KLHL1: variants seen among roughly 807,000 people sequenced by gnomAD.
KLHL1 encodes the protein kelch-like protein 1.
Under a neutral mutation model 77.7 loss-of-function variants are expected in KLHL1, and 47 were observed. That is an observed-to-expected ratio of 0.60 (90% CI 0.48 to 0.77). KLHL1 has a LOEUF of 0.77. Ranked by LOEUF, KLHL1 falls within the 30% of genes least tolerant of loss-of-function variation. The pLI is 0.00. For synonymous variants in KLHL1, 360 were observed against 325.2 expected (o/e 1.11, Z -1.15); for missense variants, 925 against 910.8 (o/e 1.02, Z -0.20).
chr13:69,956,231 A>G (rs1393954440), intron 3 of KLHL1, among the ~76,000 whole-genome samples: 1 of 147,854 alleles, frequency 6.8e-6, no homozygotes, highest in African/African-American at 2.5e-5. Flanking sequence ...AGATAACAAA[A>G]AGTTGTATTT....
chr13:69,918,688 A>T (rs1385281134), intron 4 of KLHL1, among the ~76,000 whole-genome samples: 2 of 152,144 alleles, frequency 1.3e-5, no homozygotes, highest in African/African-American at 4.8e-5. Context: ...GGTCAGGTTG[A>T]ACTTAGTTTC....
In KLHL1 at chr13:70,086,589, AAAAAGAAAGAAAGAAAGAAAG is replaced by A. The variant is rs1331047488; in HGVS notation, c.497+20593_497+20613del. Among the ~76,000 whole-genome samples the A allele has an allele frequency of 6.4e-3, 518 of 80,472 alleles. 23 individuals are homozygous for A. The highest frequency in any genetic ancestry group is 0.026 in the African/African-American group (490 of 19,090). The allele number at this position is 80,472 out of a possible 152,430, so 52.8% of individuals were successfully genotyped here. A position where few individuals can be genotyped will look rare whatever the true frequency, so the allele number is the denominator to read the frequency against. ...CTCTGTCTCAAAAAAAAAAAAAAAAAAAAAGAAAGAAAGAAAGAAAGAAAGAAAGAAAGAAAGAAAGAAAAA... is the reference window on the plus strand; with the variant it reads ...CTCTGTCTCAAAAAAAAAAAAAAAAAAAAGAAAGAAAGAAAGAAAGAAAAA... On this transcript the variant is annotated intron_variant, in intron 1 of 10. Transcript: ENST00000377844.
intron 6 of KLHL1, among the ~76,000 whole-genome samples, chr13:69,811,909 C>T (rs1189749586): frequency 6.6e-6 from 1 of 152,096 alleles, no homozygotes; most frequent in Non-Finnish European, 1.5e-5. Flanking sequence ...TCCTTCAGTT[C>T]TGCTCTGATC....
In KLHL1 at chr13:69,930,885, A is replaced by G. The variant is rs563932314; in HGVS notation, c.1014+9155T>C. On this transcript the variant is annotated intron_variant, in intron 4 of 10. Coordinates refer to ENST00000377844, the MANE Select transcript of KLHL1 (RefSeq NM_020866.3). The stretch of plus-strand genomic sequence containing the variant: ...TCTATTTATGTATGTAAATTTATGC[A>G]TATATGCGTTAATCAGTGACTACAT... 1.2e-4 allele frequency among the ~76,000 whole-genome samples: 18 copies of G among 151,778 alleles called. No homozygotes were observed. In the East Asian group the frequency reaches 3.5e-3, roughly 29 times the overall value.
intron 4 of KLHL1, among the ~76,000 whole-genome samples, chr13:69,898,530 A>T (rs1043353577): frequency 6.6e-6 from 1 of 152,014 alleles, no homozygotes; most frequent in Non-Finnish European, 1.5e-5. Context: ...CACCAATGAG[A>T]CCCTTGTCAG....
intron 1 of KLHL1, among the ~76,000 whole-genome samples, chr13:70,098,369 C>T (rs1053329479): frequency 1.3e-5 from 2 of 151,682 alleles, no homozygotes; most frequent in Non-Finnish European, 3.0e-5. Flanking sequence ...GTGTAATTTG[C>T]ATGTATATTC....
At chr13:69,810,618 C>T (rs1337939539) in intron 6 of KLHL1, among the ~76,000 whole-genome samples, 1 of 151,274 alleles carries the variant, frequency 6.6e-6, no homozygotes, top group Non-Finnish European at 1.5e-5. Flanking sequence ...ACCGAACATC[C>T]AAAGGAACTA....
intron 1 of KLHL1, among the ~76,000 whole-genome samples, chr13:69,978,959 G>A (rs1416971090): frequency 6.6e-6 from 1 of 152,010 alleles, no homozygotes; most frequent in African/African-American, 2.4e-5. Context: ...ATAGAGCTTG[G>A]TGAGACCCTG....
chr13:69,858,766 G>C (rs2138147549), intron 5 of KLHL1, among the ~76,000 whole-genome samples: 1 of 152,128 alleles, frequency 6.6e-6, no homozygotes, highest in South Asian at 2.1e-4. Context: ...TTCAGCAGGA[G>C]GTCTTGCATA....
chr13:69,773,064 G>GA (rs553633229), intron 7 of KLHL1, among the ~76,000 whole-genome samples: 3 of 151,524 alleles, frequency 2.0e-5, no homozygotes, highest in South Asian at 2.1e-4. Flanking sequence ...ACAAGCAAAG[G>GA]AAAAAAAATA....
chr13:69,781,650 A>C (rs1263858903), intron 7 of KLHL1, among the ~76,000 whole-genome samples: 1 of 152,094 alleles, frequency 6.6e-6, no homozygotes, highest in Non-Finnish European at 1.5e-5. Context: ...TATTGTAATC[A>C]TCTTTTTACC....
rs116752393 is a variant in KLHL1 at position 69,866,583 on chromosome 13, C to T, written c.1227+15700G>A. On this transcript the variant is annotated intron_variant, in intron 5 of 10. Transcript: ENST00000377844. ...TTTTCCAGAAAAGCCAGGGATTCCG[C>T]GAGTTAGAGTTAAGTTCATTTTTAA... Among the ~76,000 whole-genome samples, 309 of 152,042 alleles carry T rather than the reference C, an allele frequency of 2.0e-3. 2 individuals carry two copies. Among genetic ancestry groups the T allele is most frequent in the African/African-American group, 7.0e-3 (292 of 41,506 alleles).
chr13:69,840,147 TA>T (rs1879188815), intron 5 of KLHL1, among the ~76,000 whole-genome samples: 2 of 152,234 alleles, frequency 1.3e-5, no homozygotes, highest in South Asian at 2.1e-4. Context: ...ATTATGACTT[TA>T]ATTAAAATGT....
rs148403969 is a variant in KLHL1 at position 69,766,575 on chromosome 13, G to T, written c.1640-26019C>A. 5.0e-3 allele frequency among the ~76,000 whole-genome samples: 766 copies of T among 151,890 alleles called. 7 individuals carry two copies. Among genetic ancestry groups the T allele is most frequent in the African/African-American group, 0.016 (682 of 41,436 alleles). On this transcript the variant is annotated intron_variant, in intron 7 of 10. Coordinates refer to ENST00000377844, the MANE Select transcript of KLHL1 (RefSeq NM_020866.3). ...CTTCAGTTACTTCAGAAATATGAATGGAAAAGAAGGTGGGAGAGAAAAGGC... is the reference window on the plus strand; with the variant it reads ...CTTCAGTTACTTCAGAAATATGAATTGAAAAGAAGGTGGGAGAGAAAAGGC...
chr13:69,879,945 A>G (rs973773756), intron 5 of KLHL1, among the ~76,000 whole-genome samples: 2 of 152,226 alleles, frequency 1.3e-5, no homozygotes, highest in Admixed American at 1.3e-4. Flanking sequence ...TAAAGAAATA[A>G]ATGAATGCCT....
At chr13:70,069,508 T>C (rs1887090627) in intron 1 of KLHL1, among the ~76,000 whole-genome samples, 1 of 152,162 alleles carries the variant, frequency 6.6e-6, no homozygotes, top group African/African-American at 2.4e-5. Flanking sequence ...GTAAACATCA[T>C]AACCAGACTC....
chr13:70,006,192 C>T (rs1885400635), intron 1 of KLHL1, among the ~76,000 whole-genome samples: 1 of 151,938 alleles, frequency 6.6e-6, no homozygotes, highest in Non-Finnish European at 1.5e-5. Flanking sequence ...ACAAGAATTT[C>T]CATCTTTATT....
intron 7 of KLHL1, among the ~76,000 whole-genome samples, chr13:69,788,133 C>A (rs1876657792): frequency 2.0e-5 from 3 of 152,194 alleles, no homozygotes. Flanking sequence ...ACTAGAAATA[C>A]CATTTGACCC....
chr13:69,708,402 G>A (rs1875726093), intron 9 of KLHL1, among the ~76,000 whole-genome samples: 2 of 151,954 alleles, frequency 1.3e-5, no homozygotes, highest in African/African-American at 2.4e-5. Context: ...GCCTCAAGAC[G>A]TAAGTTTTGA....
Sources: gnomAD v4.1 joint callset for allele counts (sites outside exome capture counted in the v4.1 genomes callset) on GRCh38, gnomAD v4.1.1 for gene constraint, MANE v1.5 for transcripts, NCBI Gene and HGNC (gene_info 2026-07-23, HGNC 2026-07-21) for gene names.